Variants in CFAP57 observed in about 807,000 individuals in gnomAD.
CFAP57 encodes cilia- and flagella-associated protein 57.
A neutral mutation model predicts 146.8 loss-of-function variants in CFAP57; 116 were observed. The observed-to-expected ratio is 0.79, with a 90% CI of 0.68 to 0.92. The LOEUF (loss-of-function observed/expected upper bound fraction) is 0.92. Ranked by LOEUF, CFAP57 falls within the 40% of genes least tolerant of loss-of-function variation. CFAP57 has a pLI of 0.00. For missense variants in CFAP57, 1,377 were observed against 1,527.2 expected (o/e 0.90, Z 1.64); for synonymous variants, 518 against 552.8 (o/e 0.94, Z 0.88).
At chr1:43,180,138 G>A (rs1645332536) in intron 2 of CFAP57, among the ~76,000 whole-genome samples, 1 of 151,144 alleles carries the variant, frequency 6.6e-6, no homozygotes, top group African/African-American at 2.4e-5. Context: ...CCTGGGAGGT[G>A]GTGGTTGTGG....
At position 43,199,497 on chromosome 1, in the gene CFAP57, A is replaced by G; in HGVS notation, c.1536A>G (p.Thr512=). 6.2e-7 allele frequency: 1 copy of G among 1,614,206 alleles called. No homozygotes were observed. Among genetic ancestry groups the G allele is most frequent in the Non-Finnish European group, 8.5e-7 (1 of 1,180,016 alleles). ...LENISSLKGH[T]GKIRSIVWNA... is the part of the protein sequence containing the mutation. ...ACATCTCAAGCCTGAAAGGACACAC[A>G]GGGAAGGTAAGTGAGTGAACAGTCT... is the stretch of plus-strand genomic sequence containing the variant. Residue 512 remains threonine (T), a synonymous_variant, in exon 9 of 23, where the codon ACA becomes ACG. Transcript: ENST00000372492.
rs190597035 is a variant in CFAP57 at position 43,186,472 on chromosome 1, G to A, written c.970-235G>A. ...TAAAAATACAAAAAATTAGCCAAGC[G>A]CGGTGGTGGGCGGCTGTTGTCCCAG... On this transcript the variant is annotated intron_variant, in intron 5 of 22. Transcript: ENST00000372492. 2.2e-4 allele frequency among the ~76,000 whole-genome samples: 33 copies of A among 152,018 alleles called. No individual in the cohort carries two copies. The East Asian group carries it at 4.8e-3, about 22-fold the overall frequency.
intron 11 of CFAP57, among the ~76,000 whole-genome samples, chr1:43,212,110 A>C (rs1390301488): frequency 6.6e-6 from 1 of 152,218 alleles, no homozygotes; most frequent in African/African-American, 2.4e-5. Context: ...AGTTTCCCCC[A>C]GTAATTACAT....
intron 10 of CFAP57, 43 bp downstream of exon 10, chr1:43,206,975 T>A (rs756672642): frequency 6.3e-7 from 1 of 1,593,938 alleles, no homozygotes; most frequent in Admixed American, 1.7e-5. Flanking sequence ...TGCACGGATC[T>A]GCAGGGACAG....
intron 3 of CFAP57, 45 bp downstream of exon 3, chr1:43,181,895 A>T: frequency 1.3e-6 from 2 of 1,586,982 alleles, no homozygotes; most frequent in Non-Finnish European, 1.7e-6. Flanking sequence ...TAAAAAATAG[A>T]ACTACTTTTT....
At chr1:43,219,059 C>T (rs1335714172) in intron 12 of CFAP57, among the ~76,000 whole-genome samples, 1 of 152,064 alleles carries the variant, frequency 6.6e-6, no homozygotes, top group African/African-American at 2.4e-5. Context: ...GTGATGGGTC[C>T]TGGGAATGGG....
intron 11 of CFAP57, chr1:43,210,176 G>A (rs1054061918): frequency 1.7e-4 from 261 of 1,548,982 alleles, no homozygotes; most frequent in Non-Finnish European, 2.1e-4. Flanking sequence ...GCATAATAAG[G>A]GGCCGTTTGG....
At chr1:43,236,441 A>G (rs550932772) in intron 21 of CFAP57, among the ~76,000 whole-genome samples, 1 of 151,976 alleles carries the variant, frequency 6.6e-6, no homozygotes, top group South Asian at 2.1e-4. Context: ...CTGCCAGGAG[A>G]CCTTGGGTAA....
chr1:43,193,428 G>A (rs867467748), intron 6 of CFAP57, among the ~76,000 whole-genome samples: 2 of 151,906 alleles, frequency 1.3e-5, no homozygotes, highest in African/African-American at 4.8e-5. Context: ...TTGTTCTTCT[G>A]TTCCTCTCTA....
intron 12 of CFAP57, among the ~76,000 whole-genome samples, chr1:43,216,730 G>T (rs929403660): frequency 6.6e-6 from 1 of 152,078 alleles, no homozygotes; most frequent in Non-Finnish European, 1.5e-5. Flanking sequence ...TCCTCCGCCT[G>T]TCCCTTAAAA....
intron 2 of CFAP57, among the ~76,000 whole-genome samples, chr1:43,174,049 G>A (rs915562260): frequency 1.3e-5 from 2 of 152,158 alleles, no homozygotes; most frequent in African/African-American, 4.8e-5. Flanking sequence ...CTATTTAGTC[G>A]TATGTTAAAT....
At position 43,234,379 on chromosome 1, in the gene CFAP57, G is replaced by T; in HGVS notation, c.3227G>T (p.Gly1076Val). The T allele has an allele frequency of 6.4e-7, 1 of 1,550,398 alleles. No individual in the cohort carries two copies. Among genetic ancestry groups the T allele is most frequent in the Non-Finnish European group, 8.7e-7 (1 of 1,146,906 alleles). The change falls in exon 20 of 23, where the codon GGT becomes GTT. Residue 1076 changes from glycine to valine, a missense_variant. Transcript: ENST00000372492. ...CGGCTGCTGAAGGAGAAGGTTCGAG[G>T]TCTCTTTGAGAAGTACGTGCAGCGA... ...EPRLLKEKVR[G>V]LFEKYVQRAD...
In CFAP57 at chr1:43,215,345, G is replaced by A. The variant is rs767245878; in HGVS notation, c.2020G>A (p.Gly674Arg). 3.2e-6 allele frequency: 5 copies of A among 1,551,240 alleles called. No individual in the cohort carries two copies. Among genetic ancestry groups the A allele is most frequent in the South Asian group, 2.4e-5 (2 of 84,060 alleles). ...TWKVFDKDGR[G>R]IKREREVGFA... is the part of the protein sequence containing the mutation. ...GAAGGTCTTTGATAAGGATGGCCGG[G>A]GAATCAAGCGAGAGAGGGAGGTGGG... is the stretch of plus-strand genomic sequence containing the variant. The change falls in exon 12 of 23, where the codon GGA (glycine) becomes AGA (arginine). Residue 674 changes from glycine to arginine, a missense_variant. Gly to Arg is a moderately radical substitution (Grantham distance 125, BLOSUM62 -2). Coordinates refer to ENST00000372492, the MANE Select transcript of CFAP57 (RefSeq NM_001378189.1).
At chr1:43,246,798 C>T (rs897555111) in intron 22 of CFAP57, among the ~76,000 whole-genome samples, 7 of 152,178 alleles carry the variant, frequency 4.6e-5, no homozygotes, top group Non-Finnish European at 1.0e-4. Flanking sequence ...TTTTCGAGTA[C>T]ATACATGACG....
At chr1:43,219,184 G>A (rs1335158054) in intron 12 of CFAP57, among the ~76,000 whole-genome samples, 198 bp from the exon 13 acceptor site, 1 of 152,166 alleles carries the variant, frequency 6.6e-6, no homozygotes, top group African/African-American at 2.4e-5. Context: ...AAGATTTTTT[G>A]AGGATAGAGG....
At chr1:43,222,000 G>T in intron 14 of CFAP57, 105 bp from the exon 15 acceptor site, 1 of 967,758 alleles carries the variant, frequency 1.0e-6, no homozygotes, top group Admixed American at 3.5e-5. Context: ...GGAGGCAGCT[G>T]CTCCAGCTGG....
At chr1:43,190,976 C>G (rs564748699) in intron 6 of CFAP57, among the ~76,000 whole-genome samples, 1 of 152,252 alleles carries the variant, frequency 6.6e-6, no homozygotes, top group East Asian at 1.9e-4. Context: ...ATCAGGGCCT[C>G]ATAGAATGAG....
In CFAP57 at chr1:43,224,254, C is replaced by T. The variant is rs577633954; in HGVS notation, c.2865+50C>T. The T allele has an allele frequency of 4.2e-5, 62 of 1,469,604 alleles. 2 individuals carry two copies. In the South Asian group the frequency reaches 6.0e-4, roughly 14 times the overall value. The allele number at this position is 1,469,604 out of a possible 1,614,324, so 91.0% of individuals were successfully genotyped here. On this transcript the variant is annotated intron_variant, in intron 17 of 22. Coordinates refer to ENST00000372492, the MANE Select transcript of CFAP57 (RefSeq NM_001378189.1). ...TCAGCTACGGCCAGATGGGCCAAGG[C>T]GAGGAAGGCAAAGCTCAGGGGAGAG...
chr1:43,247,863 T>C (rs1162185460), intron 22 of CFAP57, among the ~76,000 whole-genome samples: 1 of 152,158 alleles, frequency 6.6e-6, no homozygotes, highest in East Asian at 1.9e-4. Flanking sequence ...CGGTGGCTCA[T>C]GCCTGTAATC....
Sources: gnomAD v4.1 joint callset for allele counts (sites outside exome capture counted in the v4.1 genomes callset) on GRCh38, gnomAD v4.1.1 for gene constraint, MANE v1.5 for transcripts, NCBI Gene and HGNC (gene_info 2026-07-23, HGNC 2026-07-21) for gene names.